IFITM10: variants seen among roughly 807,000 people sequenced by gnomAD.
The protein encoded by IFITM10 is interferon-induced transmembrane protein 10.
IFITM10 carries 17 observed loss-of-function variants against 19.0 expected under a neutral mutation model. The observed-to-expected ratio is 0.90, with a 90% CI of 0.61 to 1.34. The LOEUF (loss-of-function observed/expected upper bound fraction) is 1.34. Ranked by LOEUF, IFITM10 falls within the 40% of genes most tolerant of loss-of-function variation. IFITM10 has a pLI of 0.00. For synonymous variants in IFITM10, 148 were observed against 147.2 expected (o/e 1.01, Z -0.04); for missense variants, 306 against 319.8 (o/e 0.96, Z 0.33).
intron 2 of IFITM10, among the ~76,000 whole-genome samples, chr11:1,742,401 G>A (rs1265855290): frequency 1.3e-5 from 2 of 152,208 alleles, no homozygotes; most frequent in Non-Finnish European, 2.9e-5. Flanking sequence ...ATTTATGCAT[G>A]AGCGGTTAGA....
At chr11:1,743,235 A>AGATG (rs1180396808) in intron 2 of IFITM10, among the ~76,000 whole-genome samples, 2 of 139,118 alleles carry the variant, frequency 1.4e-5, no homozygotes, top group Non-Finnish European at 3.1e-5. Context: ...GACAAATGGA[A>AGATG]GATGGATGGA....
rs546970702 is a variant in IFITM10, at chr11:1,748,438, AAC to A, written c.85-321_85-320del. The A allele has an allele frequency of 4.1e-3, 1,331 of 323,260 alleles. 19 individuals are homozygous for A. Among genetic ancestry groups the A allele is most frequent in the African/African-American group, 0.026 (1,220 of 47,018 alleles). The allele number at this position is 323,260 out of a possible 1,614,324, so 20.0% of individuals were successfully genotyped here. On this transcript the variant is annotated intron_variant, in intron 1 of 2. Transcript: ENST00000340134. ...AACGCTGAGACTGACACTGTTGCAA[AAC>A]ACAGAGTGCCCCAGCACCCCAAACA...
chr11:1,747,207 G>C (rs1041198241), intron 2 of IFITM10, among the ~76,000 whole-genome samples: 1 of 152,146 alleles, frequency 6.6e-6, no homozygotes, highest in African/African-American at 2.4e-5. Context: ...TCCGGGTGAG[G>C]AGCTGGATAA....
At position 1,747,904 on chromosome 11, in the gene IFITM10, C is replaced by A. The variant is rs1049505289; in HGVS notation, c.300G>T (p.Ala100=). ...TGGACTCCATGGGGAACAGTGTGGG[C>A]GCCATCGGGGGAGAGGCCGAGGGCT... The part of the protein sequence containing the change: ...APEPSASPPM[A]PTLFPMESKS... Residue 100 remains alanine, a synonymous_variant, in exon 2 of 3, where the codon GCG becomes GCT. Coordinates refer to ENST00000340134, the MANE Select transcript of IFITM10 (RefSeq NM_001170820.4). 1.7e-5 allele frequency: 26 copies of A among 1,506,376 alleles called. No homozygotes were observed. The highest frequency in any genetic ancestry group is 6.4e-5 in the Admixed American group (3 of 46,854). The allele number at this position is 1,506,376 out of a possible 1,614,324, so 93.3% of individuals were successfully genotyped here.
intron 2 of IFITM10, chr11:1,745,356 C>T (rs987984988): frequency 6.6e-6 from 1 of 152,294 alleles, no homozygotes; most frequent in Non-Finnish European, 1.5e-5. Context: ...CAGAGCTCCA[C>T]CAGCTGCAGC....
intron 2 of IFITM10, among the ~76,000 whole-genome samples, chr11:1,741,552 C>T (rs905695274): frequency 3.3e-5 from 5 of 151,944 alleles, no homozygotes; most frequent in Admixed American, 1.3e-4. Context: ...GAATTGAGGG[C>T]TAGGTGGCCA....
At chr11:1,738,554 G>A (rs1372749891) in intron 2 of IFITM10, among the ~76,000 whole-genome samples, 3 of 152,176 alleles carry the variant, frequency 2.0e-5, no homozygotes, top group Non-Finnish European at 2.9e-5. Context: ...GTAAGTGAAC[G>A]GCTGCTGGAT....
intron 2 of IFITM10, chr11:1,746,125 C>T (rs905508642): frequency 1.4e-5 from 2 of 144,504 alleles, no homozygotes; most frequent in African/African-American, 5.9e-5. Context: ...CACATACCCT[C>T]ACACATTGTG....
chr11:1,748,789 A>T (rs1430530495), intron 1 of IFITM10: 1 of 153,040 alleles, frequency 6.5e-6, no homozygotes, highest in Non-Finnish European at 1.5e-5. Context: ...GGGGACCCCA[A>T]GCGCGCACAC....
Position 1,747,953 on chromosome 11 carries a change from T to G in IFITM10, c.251A>C (p.Gln84Pro). 1 of 1,469,628 alleles carries G rather than the reference T, an allele frequency of 6.8e-7. No homozygotes were observed. Among genetic ancestry groups the G allele is most frequent in the Non-Finnish European group, 9.0e-7 (1 of 1,109,524 alleles). 91.0% of individuals were successfully genotyped at this position (1,469,628 alleles called of 1,614,324 possible). A position where few individuals can be genotyped will look rare whatever the true frequency, so the allele number is the denominator to read the frequency against. Residue 84 changes from glutamine to proline, a missense_variant, in exon 2 of 3, where the codon CAG becomes CCG. By Grantham distance (76) the Gln-to-Pro change is moderately conservative. Coordinates refer to ENST00000340134, the MANE Select transcript of IFITM10 (RefSeq NM_001170820.4). Reference protein sequence around the residue: ...FACVSKPPALQAPAAPAPEPS... With the variant: ...FACVSKPPALPAPAAPAPEPS... The stretch of plus-strand genomic sequence containing the variant: ...CTCAGGGGCAGGGGCCGCCGGAGCC[T>G]GCAGGGCAGGGGGCTTGGACACGCA...
intron 2 of IFITM10, chr11:1,746,133 G>A (rs1845645161): frequency 7.3e-6 from 1 of 136,346 alleles, no homozygotes; most frequent in Middle Eastern, 4.0e-3. Flanking sequence ...CTCACACATT[G>A]TGCACACACA....
intron 1 of IFITM10, chr11:1,749,109 G>A (rs1845688063): frequency 2.4e-5 from 26 of 1,098,754 alleles, no homozygotes; most frequent in Non-Finnish European, 2.9e-5. Flanking sequence ...CCACTGATCC[G>A]CCTCCCAGCG....
chr11:1,739,393 A>G (rs963610079), intron 2 of IFITM10, among the ~76,000 whole-genome samples: 8 of 152,200 alleles, frequency 5.3e-5, no homozygotes, highest in African/African-American at 9.7e-5. Flanking sequence ...CAGATTCCTT[A>G]ATCAATCAAT....
chr11:1,747,880 G>C lies in IFITM10; in HGVS notation c.324C>G (p.Ser108=). Reference sequence around the variant, plus strand: ...GCACGCTGTCGGTCTTGCTGCTCTTGGACTCCATGGGGAACAGTGTGGGCG... The same window carrying C: ...GCACGCTGTCGGTCTTGCTGCTCTTCGACTCCATGGGGAACAGTGTGGGCG... ...PMAPTLFPME[S]KSSKTDSVRA... Residue 108 remains serine (S), a synonymous_variant, in exon 2 of 3, where the codon TCC becomes TCG. Coordinates refer to ENST00000340134, the MANE Select transcript of IFITM10 (RefSeq NM_001170820.4). 6.5e-7 allele frequency: 1 copy of C among 1,530,336 alleles called. No homozygotes were observed. Among genetic ancestry groups the C allele is most frequent in the South Asian group, 1.3e-5 (1 of 79,876 alleles). The allele number at this position is 1,530,336 out of a possible 1,614,324, so 94.8% of individuals were successfully genotyped here.
chr11:1,748,930 G>T, intron 1 of IFITM10: 1 of 561,210 alleles, frequency 1.8e-6, no homozygotes, highest in Non-Finnish European at 2.3e-6. Flanking sequence ...CCCGTGCGGC[G>T]CTCGCCGGGG....
chr11:1,747,827 T>C lies in IFITM10; in HGVS notation c.377A>G (p.Lys126Arg), dbSNP rs910039538. Residue 126 changes from lysine to arginine, a missense_variant, in exon 2 of 3, where the codon AAG becomes AGG. Lys to Arg is a conservative substitution (Grantham distance 26). Transcript: ENST00000340134. ...CATCGTCTTCTTCTCGGCTAGGTGC[T>C]TGCAGGCAGGGGGCGCGCCGGCAGC... ...VRAAGAPPAC[K>R]HLAEKKTMTN... The C allele has an allele frequency of 7.1e-6, 11 of 1,548,882 alleles. No homozygotes were observed. The African/African-American group carries it at 1.4e-4, about 19-fold the overall frequency.
At chr11:1,735,910 G>A (rs1851082394) in intron 2 of IFITM10, among the ~76,000 whole-genome samples, 1 of 152,174 alleles carries the variant, frequency 6.6e-6, no homozygotes, top group Admixed American at 6.5e-5. Flanking sequence ...ATGCCTTGAG[G>A]ATGAGCGTTG....
chr11:1,736,246 A>T (rs1851085616), intron 2 of IFITM10, among the ~76,000 whole-genome samples: 3 of 152,206 alleles, frequency 2.0e-5, no homozygotes. Flanking sequence ...TGAAAGAAGG[A>T]AGGTGGGCAG....
chr11:1,748,554 A>C, intron 1 of IFITM10: 2 of 160,740 alleles, frequency 1.2e-5, no homozygotes, highest in Non-Finnish European at 1.3e-5. Context: ...GCACCTGCCC[A>C]CGGCGCCCGC....
Sources: gnomAD v4.1 joint callset for allele counts (sites outside exome capture counted in the v4.1 genomes callset) on GRCh38, gnomAD v4.1.1 for gene constraint, MANE v1.5 for transcripts, NCBI Gene and HGNC (gene_info 2026-07-23, HGNC 2026-07-21) for gene names.